The following ARAP2 variants were observed in gnomAD, a reference collection of about 807,000 sequenced individuals.
ARAP2 encodes the protein ArfGAP with RhoGAP domain, ankyrin repeat and PH domain 2, also known as arf-GAP with Rho-GAP domain, ANK repeat and PH domain-containing protein 2.
Under a neutral mutation model 194.5 loss-of-function variants are expected in ARAP2, and 148 were observed. The observed-to-expected ratio is 0.76, with a 90% CI of 0.67 to 0.87. The LOEUF is 0.87. Among genes scored for constraint, ARAP2 ranks in the 40% least tolerant of loss-of-function variants. ARAP2 has a pLI of 0.00. For synonymous variants in ARAP2, 695 were observed against 683.5 expected, an observed-to-expected ratio of 1.02 and a Z score of -0.26; for missense variants, 2,128 against 1,989.7, an observed-to-expected ratio of 1.07 and a Z score of -1.32.
At chr4:36,070,007 T>A (rs1224631609) in intron 32 of ARAP2, among the ~76,000 whole-genome samples, 1 of 152,168 alleles carries the variant, frequency 6.6e-6, no homozygotes, top group Non-Finnish European at 1.5e-5. Flanking sequence ...GCTATAATTG[T>A]AAGCTTCCTA....
chr4:36,165,754 T>C (rs1735145739), intron 10 of ARAP2, among the ~76,000 whole-genome samples: 1 of 152,204 alleles, frequency 6.6e-6, no homozygotes, highest in Non-Finnish European at 1.5e-5. Flanking sequence ...TAAACAGCAG[T>C]TCATTCCTTC....
chr4:36,080,352 A>C (rs920449895), intron 30 of ARAP2, 73 bp from the exon 31 acceptor site: 52 of 1,258,728 alleles, frequency 4.1e-5, no homozygotes, highest in Admixed American at 2.6e-4. Context: ...CTGCTGAGTG[A>C]TTTGGTGATC....
At chr4:36,014,325 A>AAGGAAG (rs1560265152) in intron 8 of ARAP2, among the ~76,000 whole-genome samples, 30 of 32,458 alleles carry the variant, frequency 9.2e-4, no homozygotes, top group Non-Finnish European at 1.1e-3. Context: ...AAAGAAAGAG[A>AAGGAAG]GAAAGAAAGA....
intron 6 of ARAP2, among the ~76,000 whole-genome samples, 177 bp downstream of exon 6, chr4:36,210,213 C>T (rs1746440860): frequency 6.6e-6 from 1 of 152,120 alleles, no homozygotes; most frequent in African/African-American, 2.4e-5. Context: ...CATCTCTCTC[C>T]TTATGTCTAA....
chr4:36,096,362 C>CAAAAAAAAA, intron 27 of ARAP2, among the ~76,000 whole-genome samples: 1 of 80,992 alleles, frequency 1.2e-5, no homozygotes, highest in Non-Finnish European at 2.2e-5. Flanking sequence ...GAGACTCTCT[C>CAAAAAAAAA]AAAAAAAAAA....
rs186475557 is a variant in ARAP2, at chr4:36,136,206, A to C, written c.3264-2817T>G. Among the ~76,000 whole-genome samples the C allele has an allele frequency of 2.2e-4, 34 of 151,968 alleles. No individual in the cohort carries two copies. In the East Asian group the frequency reaches 6.4e-3, roughly 29 times the overall value. On this transcript the variant is annotated intron_variant, in intron 19 of 32. Coordinates refer to ENST00000303965, the MANE Select transcript of ARAP2 (RefSeq NM_015230.4). ...AATGCTGGATGACTTTGAGATTTCA[A>C]GTGTTATCAAATTCACATTCCTGGA... is the stretch of plus-strand genomic sequence containing the variant.
intron 7 of ARAP2, among the ~76,000 whole-genome samples, chr4:36,188,850 A>G (rs1418960994): frequency 5.3e-5 from 8 of 152,196 alleles, no homozygotes; most frequent in Non-Finnish European, 1.0e-4. Context: ...TTGGTAAGGG[A>G]CAGTCATCAT....
At chr4:36,243,967 T>G (rs775510565) in intron 1 of ARAP2, 20 of 152,168 alleles carry the variant, frequency 1.3e-4, no homozygotes, top group Non-Finnish European at 2.8e-4. Context: ...ATCCCAGAAG[T>G]GGAGTTCTTG....
At chr4:36,159,531 C>T (rs1372032362) in intron 13 of ARAP2, 26 bp from the exon 14 acceptor site, 1 of 1,461,864 alleles carries the variant, frequency 6.8e-7, no homozygotes, top group African/African-American at 1.4e-5. Flanking sequence ...AAATATACAT[C>T]TTAAGGAAAG....
chr4:36,165,214 A>G (rs1472788005), intron 10 of ARAP2, 101 bp from the exon 11 acceptor site: 1 of 1,150,484 alleles, frequency 8.7e-7, no homozygotes, highest in East Asian at 2.5e-5. Flanking sequence ...ATTAAACAAC[A>G]GCTGAAAAAT....
At chr4:36,044,341 T>C (rs1288976510) in intron 5 of ARAP2, among the ~76,000 whole-genome samples, 1 of 152,200 alleles carries the variant, frequency 6.6e-6, no homozygotes, top group Non-Finnish European at 1.5e-5. Context: ...AACAAGACAC[T>C]GTAAAGAGGA....
intron 6 of ARAP2, among the ~76,000 whole-genome samples, chr4:36,205,409 T>C (rs1200503709): frequency 3.9e-5 from 6 of 152,170 alleles, no homozygotes; most frequent in Non-Finnish European, 5.9e-5. Flanking sequence ...GTAAGAAATG[T>C]CACTTTTTTT....
chr4:36,206,642 C>T (rs1276781540), intron 6 of ARAP2, among the ~76,000 whole-genome samples: 1 of 152,186 alleles, frequency 6.6e-6, no homozygotes, highest in East Asian at 1.9e-4. Flanking sequence ...TTCTGCAGAC[C>T]TTTTTGCTCC....
At chr4:36,232,885 T>C (rs1248777690) in intron 1 of ARAP2, among the ~76,000 whole-genome samples, 1 of 152,200 alleles carries the variant, frequency 6.6e-6, no homozygotes, top group Non-Finnish European at 1.5e-5. Context: ...TTGCTATGCA[T>C]GTGTGTATTT....
At chr4:36,049,150 A>G (rs1324443615) in intron 3 of ARAP2, among the ~76,000 whole-genome samples, 1 of 152,104 alleles carries the variant, frequency 6.6e-6, no homozygotes, top group Non-Finnish European at 1.5e-5. Flanking sequence ...TCTGTAAAAA[A>G]AAAAGTCTTT....
At chr4:36,136,490 A>T (rs1578023335) in intron 19 of ARAP2, among the ~76,000 whole-genome samples, 1 of 151,888 alleles carries the variant, frequency 6.6e-6, no homozygotes, top group South Asian at 2.1e-4. Context: ...ATGAAGCATA[A>T]ACAATCATAT....
intron 20 of ARAP2, among the ~76,000 whole-genome samples, chr4:36,132,702 T>G (rs975489078): frequency 6.6e-6 from 1 of 151,788 alleles, no homozygotes; most frequent in African/African-American, 2.4e-5. Context: ...AACGATTCAT[T>G]GAAATATCTG....
intron 2 of ARAP2, among the ~76,000 whole-genome samples, chr4:36,222,003 G>T (rs886871252): frequency 3.3e-5 from 5 of 152,066 alleles, no homozygotes; most frequent in African/African-American, 1.2e-4. Context: ...GATCAATTTT[G>T]TCTTTCTTTT....
intron 10 of ARAP2, chr4:36,005,597 C>A (rs1577500856): frequency 6.6e-6 from 1 of 152,112 alleles, no homozygotes; most frequent in Non-Finnish European, 1.5e-5. Flanking sequence ...AATCCACCCA[C>A]AAATGAGGCT....
Sources: allele counts gnomAD v4.1 joint callset (sites outside exome capture counted in the v4.1 genomes callset), GRCh38; gene constraint gnomAD v4.1.1; transcripts MANE v1.5; gene names NCBI Gene and HGNC (gene_info 2026-07-23, HGNC 2026-07-21).